The following MYO9A variants were observed in gnomAD, a reference collection of about 807,000 sequenced individuals.
The protein encoded by MYO9A is unconventional myosin-IXa.
In MYO9A, 103 loss-of-function variants were observed where a neutral mutation model predicts 293.3. That is an observed-to-expected ratio of 0.35 (90% CI 0.30 to 0.41). The LOEUF (loss-of-function observed/expected upper bound fraction) is 0.41. Among genes scored for constraint, MYO9A ranks in the 10% least tolerant of loss-of-function variants. The pLI is 1.00. For synonymous variants in MYO9A, 1,001 were observed against 1,035.7 expected (o/e 0.97, Z 0.64); for missense variants, 2,685 against 3,033.0 (o/e 0.89, Z 2.69).
At chr15:71,983,393 C>T (rs1164740383) in intron 11 of MYO9A, among the ~76,000 whole-genome samples, 1 of 149,858 alleles carries the variant, frequency 6.7e-6, no homozygotes, top group African/African-American at 2.5e-5. Context: ...ATTCTATTTA[C>T]TCCTAACTTA....
At chr15:72,000,274 A>T (rs1247050117) in intron 8 of MYO9A, among the ~76,000 whole-genome samples, 2 of 152,266 alleles carry the variant, frequency 1.3e-5, no homozygotes, top group Non-Finnish European at 2.9e-5. Context: ...AGGACTAAAA[A>T]GTGACAGCAC....
At chr15:71,906,763 T>TTTTTTTTTTCTTTTC (rs2057663761) in intron 19 of MYO9A, among the ~76,000 whole-genome samples, 1 of 113,738 alleles carries the variant, frequency 8.8e-6, no homozygotes, top group African/African-American at 3.5e-5. Context: ...TCTTTCTTTT[T>TTTTTTTTTTCTTTTC]TTTTTTTTTT....
chr15:71,859,767 A>G lies in MYO9A; in HGVS notation c.6121T>C (p.Cys2041Arg). 2 of 1,613,538 alleles carry G rather than the reference A, an allele frequency of 1.2e-6. No individual in the cohort carries two copies. Among genetic ancestry groups the G allele is most frequent in the Non-Finnish European group, 1.7e-6 (2 of 1,179,708 alleles). The change falls in exon 34 of 42, where the codon TGT (cysteine) becomes CGT (arginine). Residue 2041 changes from cysteine to arginine, a missense_variant. Coordinates refer to ENST00000356056, the MANE Select transcript of MYO9A (RefSeq NM_006901.4). ...LCKYACHKKCCLKTTAKCSKK... is the reference protein window; with the variant it reads ...LCKYACHKKCRLKTTAKCSKK... The stretch of plus-strand genomic sequence containing the variant: ...GAGCACTTGGCTGTGGTTTTCAGAC[A>G]GCACTTCTTATGGCAAGCATACTTG...
At position 71,826,706 on chromosome 15, in the gene MYO9A, GTTTTTCACATTCTTTAAT is replaced by G; in HGVS notation, c.7503_7520del (p.Lys2501_Lys2506del). ...GGGTCTCTTTGGTTTTCTGAGGTGA[GTTTTTCACATTCTTTAAT>G]TTTTGTTTGCCCTTTTCCGGGTTGA... On this transcript the variant is annotated inframe_deletion, in exon 42 of 42. Coordinates refer to ENST00000356056, the MANE Select transcript of MYO9A (RefSeq NM_006901.4). 1.9e-6 allele frequency: 3 copies of G among 1,614,138 alleles called. No homozygotes were observed. The highest frequency in any genetic ancestry group is 2.5e-6 in the Non-Finnish European group (3 of 1,179,996).
intron 12 of MYO9A, among the ~76,000 whole-genome samples, chr15:71,975,390 C>CGTGT (rs57800508): frequency 0.15 from 13,352 of 86,602 alleles, 3,187 homozygotes; most frequent in African/African-American, 0.27. Flanking sequence ...GTGATTTTAT[C>CGTGT]GTGTGTGTGT....
intron 1 of MYO9A, among the ~76,000 whole-genome samples, chr15:72,078,736 T>C (rs767856319): frequency 4.6e-5 from 7 of 152,178 alleles, no homozygotes; most frequent in Non-Finnish European, 1.0e-4. Context: ...GCCACCAAGA[T>C]GTCCTTCAAA....
intron 18 of MYO9A, among the ~76,000 whole-genome samples, chr15:71,918,228 A>G (rs1033880518): frequency 2.0e-5 from 3 of 152,206 alleles, no homozygotes; most frequent in Non-Finnish European, 4.4e-5. Context: ...TATACTATAT[A>G]CTCACTGTTC....
chr15:71,857,272 A>C (rs2055900825), intron 34 of MYO9A, among the ~76,000 whole-genome samples: 1 of 152,220 alleles, frequency 6.6e-6, no homozygotes, highest in African/African-American at 2.4e-5. Context: ...AATGGAAAAA[A>C]AAATTCTGAG....
intron 40 of MYO9A, among the ~76,000 whole-genome samples, 159 bp downstream of exon 40, chr15:71,829,950 G>GT (rs1262903217): frequency 6.6e-6 from 1 of 152,166 alleles, no homozygotes; most frequent in African/African-American, 2.4e-5. Context: ...TGTTACCTGA[G>GT]TATAGACAAC....
In MYO9A at chr15:71,862,727, G is replaced by A. The variant is rs112426426; in HGVS notation, c.5980-116C>T. ...CTTCACTAGGCACTAATTCCAGGGG[G>A]ACAATTAGGATCTTTTGAGAAATAA... is the stretch of plus-strand genomic sequence containing the variant. On this transcript the variant is annotated intron_variant, in intron 32 of 41. Coordinates refer to ENST00000356056, the MANE Select transcript of MYO9A (RefSeq NM_006901.4). The A allele has an allele frequency of 5.9e-3, 3,534 of 603,422 alleles. 102 individuals carry two copies. In the African/African-American group the frequency reaches 0.059, roughly 10 times the overall value. 37.4% of individuals were successfully genotyped at this position (603,422 alleles called of 1,614,324 possible). A position where few individuals can be genotyped will look rare whatever the true frequency, so the allele number is the denominator to read the frequency against.
intron 19 of MYO9A, among the ~76,000 whole-genome samples, chr15:71,909,570 C>T (rs2057771245): frequency 6.6e-6 from 1 of 152,158 alleles, no homozygotes; most frequent in Admixed American, 6.6e-5. Context: ...GTGCCCCTCC[C>T]CTCTGTTCAA....
intron 18 of MYO9A, among the ~76,000 whole-genome samples, chr15:71,932,388 A>G (rs2058503220): frequency 6.6e-6 from 1 of 151,908 alleles, no homozygotes; most frequent in African/African-American, 2.4e-5. Context: ...CTTGGGAGGG[A>G]GCAGTGGCAG....
chr15:71,849,056 G>A, intron 38 of MYO9A, 88 bp from the exon 39 acceptor site: 1 of 1,260,690 alleles, frequency 7.9e-7, no homozygotes, highest in Non-Finnish European at 1.1e-6. Flanking sequence ...GTAGACAGTT[G>A]AAAGATGAAG....
chr15:72,077,371 A>G (rs2079386276), intron 1 of MYO9A, among the ~76,000 whole-genome samples: 2 of 152,170 alleles, frequency 1.3e-5, no homozygotes, highest in African/African-American at 2.4e-5. Flanking sequence ...CAAAACACAT[A>G]TATGATAAAG....
chr15:71,998,832 G>A (rs572370012), intron 9 of MYO9A, among the ~76,000 whole-genome samples: 3 of 151,880 alleles, frequency 2.0e-5, no homozygotes, highest in Non-Finnish European at 4.4e-5. Context: ...TGCGGTGTTC[G>A]GTTTTTTGTC....
intron 1 of MYO9A, among the ~76,000 whole-genome samples, chr15:72,083,495 T>G (rs1364968959): frequency 6.6e-6 from 1 of 152,242 alleles, no homozygotes; most frequent in African/African-American, 2.4e-5. Flanking sequence ...TTTTCGTGTC[T>G]CAATCTCCTG....
At chr15:72,050,524 G>A (rs936184893) in intron 1 of MYO9A, among the ~76,000 whole-genome samples, 4 of 152,044 alleles carry the variant, frequency 2.6e-5, no homozygotes, top group Non-Finnish European at 4.4e-5. Flanking sequence ...GGAGAATGGC[G>A]TGGACCCTGG....
chr15:71,955,637 G>A (rs1013730394), intron 14 of MYO9A, among the ~76,000 whole-genome samples: 4 of 152,100 alleles, frequency 2.6e-5, no homozygotes, highest in Admixed American at 2.6e-4. Flanking sequence ...ATGAATAAAA[G>A]CACTTTAGAA....
In MYO9A at chr15:72,117,999, G is replaced by A. The variant is rs2081065893; in HGVS notation, c.-391C>T. Reference sequence around the variant, plus strand: ...CGGTGCAACTACTGCCTCCGCCGCCGCCTCTCGCAGTCCGGGCTGTCCTGT... The same window carrying A: ...CGGTGCAACTACTGCCTCCGCCGCCACCTCTCGCAGTCCGGGCTGTCCTGT... On this transcript the variant is annotated 5_prime_UTR_variant, in exon 1 of 42. Coordinates refer to ENST00000356056, the MANE Select transcript of MYO9A (RefSeq NM_006901.4). 6 of 398,812 alleles carry A rather than the reference G, an allele frequency of 1.5e-5. No homozygotes were observed. The highest frequency in any genetic ancestry group is 2.6e-5 in the Non-Finnish European group (6 of 226,438). The allele number at this position is 398,812 out of a possible 1,614,324, so 24.7% of individuals were successfully genotyped here.
Sources: gnomAD v4.1 joint callset for allele counts (sites outside exome capture counted in the v4.1 genomes callset) on GRCh38, gnomAD v4.1.1 for gene constraint, MANE v1.5 for transcripts, NCBI Gene and HGNC (gene_info 2026-07-23, HGNC 2026-07-21) for gene names.